RBFOX3: variants seen among roughly 807,000 people sequenced by gnomAD.
RBFOX3 encodes RNA binding fox-1 homolog 3, also known as RNA binding protein fox-1 homolog 3.
In RBFOX3, 17 loss-of-function variants were observed where a neutral mutation model predicts 48.7. The ratio of observed to expected loss-of-function variants is 0.35; its 90% CI spans 0.24 to 0.52. The LOEUF (loss-of-function observed/expected upper bound fraction) is 0.52. RBFOX3 is among the 20% of genes least tolerant of loss of function. The pLI is 0.94. For synonymous variants in RBFOX3, 212 were observed against 209.5 expected (o/e 1.01, Z -0.10); for missense variants, 382 against 497.5 (o/e 0.77, Z 2.21).
intron 1 of RBFOX3, among the ~76,000 whole-genome samples, chr17:79,595,854 A>G (rs1323899979): frequency 6.6e-6 from 1 of 152,242 alleles, no homozygotes; most frequent in African/African-American, 2.4e-5. Context: ...CAGGCTAAAT[A>G]TAAATAATAT....
intron 1 of RBFOX3, among the ~76,000 whole-genome samples, chr17:79,585,079 T>C (rs1382103921): frequency 6.6e-6 from 1 of 151,980 alleles, no homozygotes; most frequent in Non-Finnish European, 1.5e-5. Flanking sequence ...AATTGGATTT[T>C]GGGGACTCTG....
Position 79,385,681 on chromosome 17 carries a change from C to T in RBFOX3, c.-174-77857G>A, listed in dbSNP as rs1045555412. Among the ~76,000 whole-genome samples, 8 of 152,344 alleles carry T rather than the reference C, an allele frequency of 5.3e-5. No homozygotes were observed. The East Asian group carries it at 1.3e-3, about 26-fold the overall frequency. ...CCCGTTACAGACAGGGGCTCCAGTA[C>T]CTCCTGTGACAGACGGGCTCCATCA... On this transcript the variant is annotated intron_variant, in intron 2 of 14. Transcript: ENST00000693108.
chr17:79,092,133 G>C, intron 14 of RBFOX3: 1 of 985,466 alleles, frequency 1.0e-6, no homozygotes, highest in Non-Finnish European at 1.2e-6. Flanking sequence ...GCCATGGCAC[G>C]GGGCTGGTCG....
At chr17:79,234,444 C>T (rs1277772153) in intron 4 of RBFOX3, 1 of 152,150 alleles carries the variant, frequency 6.6e-6, no homozygotes, top group Non-Finnish European at 1.5e-5. Context: ...AAAGAGTGCC[C>T]AACTTTTCTA....
At chr17:79,462,741 TC>T (rs112880498) in intron 2 of RBFOX3, among the ~76,000 whole-genome samples, 4 of 152,206 alleles carry the variant, frequency 2.6e-5, no homozygotes, top group African/African-American at 9.6e-5. Context: ...TGAAATAAAG[TC>T]CCAGATACGG....
chr17:79,242,235 G>C lies in RBFOX3; in HGVS notation c.-73-6430C>G, dbSNP rs140406738. Among the ~76,000 whole-genome samples, 533 of 152,194 alleles carry C rather than the reference G, an allele frequency of 3.5e-3. 4 individuals carry two copies. Among genetic ancestry groups the C allele is most frequent in the Non-Finnish European group, 5.8e-3 (392 of 67,992 alleles). On this transcript the variant is annotated intron_variant, in intron 3 of 14. Coordinates refer to ENST00000693108, the MANE Select transcript of RBFOX3 (RefSeq NM_001350451.2). The surrounding 1 kb of genome is among the most constrained non-coding windows in gnomAD (Gnocchi z 5.8). ...GGTGCTACCTGAGGAGCCCCGGGGT[G>C]GGGGGCAGGCCGTATGGAGGGTCCT...
intron 2 of RBFOX3, among the ~76,000 whole-genome samples, chr17:79,341,454 G>A (rs773174176): frequency 3.3e-5 from 5 of 151,992 alleles, no homozygotes; most frequent in Non-Finnish European, 7.4e-5. Flanking sequence ...TGCCCTCTTC[G>A]TGCGTAACTA....
chr17:79,213,991 C>T (rs72846065), intron 4 of RBFOX3, among the ~76,000 whole-genome samples: 5,915 of 152,264 alleles, frequency 0.039, 133 homozygotes, highest in Non-Finnish European at 0.044. Context: ...AAACACTCAG[C>T]GGATCAGACT....
At chr17:79,621,066 T>A in the RBFOX3 span, among the ~76,000 whole-genome samples, 1 of 150,846 alleles carries the variant, frequency 6.6e-6, no homozygotes, top group Admixed American at 6.6e-5. Context: ...TGGCACAATC[T>A]CAGCTCACTG....
At chr17:79,382,352 G>T (rs776380472) in intron 2 of RBFOX3, among the ~76,000 whole-genome samples, 24 of 152,324 alleles carry the variant, frequency 1.6e-4, no homozygotes, top group Admixed American at 3.3e-4. Context: ...CAGGTTGGGG[G>T]CTAAGCCTTC....
chr17:79,660,421 G>C, the RBFOX3 span, among the ~76,000 whole-genome samples: 2 of 151,978 alleles, frequency 1.3e-5, no homozygotes, highest in African/African-American at 4.8e-5. Flanking sequence ...CTGATAGCCA[G>C]AGTCTATAAG....
At chr17:79,489,278 C>T (rs2080137171) in intron 1 of RBFOX3, among the ~76,000 whole-genome samples, 1 of 145,962 alleles carries the variant, frequency 6.9e-6, no homozygotes, top group Non-Finnish European at 1.5e-5. Flanking sequence ...AGAGTAATGG[C>T]AAGGATTTAA....
Position 79,380,404 on chromosome 17 carries a change from G to A in RBFOX3, c.-174-72580C>T, listed in dbSNP as rs138856688. On this transcript the variant is annotated intron_variant, in intron 2 of 14. Coordinates refer to ENST00000693108, the MANE Select transcript of RBFOX3 (RefSeq NM_001350451.2). ...ATCCAAGGCTCTTGTGAAGGTGGCC[G>A]ACAGGCTGTGCATTCACAATGAAGG... Among the ~76,000 whole-genome samples, 976 of 152,270 alleles carry A rather than the reference G, an allele frequency of 6.4e-3. 11 individuals carry two copies. Among genetic ancestry groups the A allele is most frequent in the African/African-American group, 0.022 (924 of 41,530 alleles).
intron 1 of RBFOX3, among the ~76,000 whole-genome samples, chr17:79,525,936 G>A (rs1035778189): frequency 6.6e-6 from 1 of 152,176 alleles, no homozygotes; most frequent in South Asian, 2.1e-4. Flanking sequence ...TCAGTAGGAC[G>A]AGCTGGCTGT....
intron 1 of RBFOX3, among the ~76,000 whole-genome samples, chr17:79,585,519 C>T (rs1271097419): frequency 6.6e-6 from 1 of 151,860 alleles, no homozygotes; most frequent in Non-Finnish European, 1.5e-5. Context: ...TTCACAGCAT[C>T]GCACTCCAGC....
intron 2 of RBFOX3, among the ~76,000 whole-genome samples, chr17:79,358,136 G>A (rs2085573094): frequency 6.6e-6 from 1 of 152,074 alleles, no homozygotes; most frequent in East Asian, 1.9e-4. Context: ...TGTAGAGACA[G>A]GGTCCACCTA....
In RBFOX3 at chr17:79,259,317, T is replaced by C. The variant is rs547322086; in HGVS notation, c.-73-23512A>G. On this transcript the variant is annotated intron_variant, in intron 3 of 14. Coordinates refer to ENST00000693108, the MANE Select transcript of RBFOX3 (RefSeq NM_001350451.2). ...GAGTGGGCACAGCACCGATCTCGGG[T>C]AGGGTCCACCTGCAGGACCCGCAGC... 2.0e-5 allele frequency among the ~76,000 whole-genome samples: 3 copies of C among 152,230 alleles called. No individual in the cohort carries two copies. In the South Asian group the frequency reaches 6.2e-4, roughly 32 times the overall value.
At chr17:79,434,126 T>G (rs2068963566) in intron 2 of RBFOX3, among the ~76,000 whole-genome samples, 1 of 152,168 alleles carries the variant, frequency 6.6e-6, no homozygotes, top group East Asian at 1.9e-4. Context: ...AACATCGCAC[T>G]AAGCAGGTCT....
intron 4 of RBFOX3, among the ~76,000 whole-genome samples, chr17:79,142,567 G>T (rs1274212182): frequency 5.3e-5 from 8 of 152,098 alleles, no homozygotes; most frequent in Non-Finnish European, 1.5e-5. Flanking sequence ...AACTCCGCCA[G>T]CGGGGCACGG....
Sources: allele counts gnomAD v4.1 joint callset (sites outside exome capture counted in the v4.1 genomes callset), GRCh38; gene constraint gnomAD v4.1.1; non-coding constraint Gnocchi (gnomAD v3.1); transcripts MANE v1.5; gene names NCBI Gene and HGNC (gene_info 2026-07-23, HGNC 2026-07-21).